The following RNF130 variants were observed in gnomAD, a reference collection of about 807,000 sequenced individuals.
RNF130 encodes the protein E3 ubiquitin-protein ligase RNF130.
In RNF130, 21 loss-of-function variants were observed where a neutral mutation model predicts 44.6. The ratio of observed to expected loss-of-function variants is 0.47; its 90% CI spans 0.33 to 0.68. The LOEUF (loss-of-function observed/expected upper bound fraction) is 0.68, where lower values mean the gene tolerates loss of function less well. RNF130 is among the 30% of genes least tolerant of loss of function. The pLI, the probability that RNF130 is intolerant of heterozygous loss-of-function variation, is 0.02. For missense variants in RNF130, 479 were observed against 560.6 expected, an observed-to-expected ratio of 0.85 and a Z score of 1.47; for synonymous variants, 214 against 210.4, an observed-to-expected ratio of 1.02 and a Z score of -0.15.
chr5:180,033,131 A>C (rs971455663), intron 2 of RNF130, among the ~76,000 whole-genome samples: 6 of 151,914 alleles, frequency 3.9e-5, no homozygotes, highest in Non-Finnish European at 8.8e-5. Context: ...ATACTGCTAC[A>C]CCCGGCTACT....
At chr5:179,968,785 G>C (rs1057391507) in intron 6 of RNF130, among the ~76,000 whole-genome samples, 2 of 152,098 alleles carry the variant, frequency 1.3e-5, no homozygotes, top group African/African-American at 4.8e-5. Flanking sequence ...GGGACATCTG[G>C]CAACGTCTGG....
chr5:179,979,012 C>A (rs1220033346), intron 4 of RNF130, among the ~76,000 whole-genome samples: 1 of 152,140 alleles, frequency 6.6e-6, no homozygotes. Flanking sequence ...CAGTGGACAA[C>A]TCTTGCCAGG....
intron 3 of RNF130, among the ~76,000 whole-genome samples, chr5:180,007,988 GT>G (rs371751598): frequency 0.014 from 1,880 of 129,844 alleles, 40 homozygotes; most frequent in African/African-American, 0.049. Context: ...AAATCTTTTA[GT>G]TTTTTTTTTT....
intron 3 of RNF130, among the ~76,000 whole-genome samples, chr5:179,994,819 T>C (rs1035490845): frequency 3.9e-4 from 59 of 152,202 alleles, no homozygotes; most frequent in African/African-American, 1.4e-3. Context: ...CAGCAGGTGG[T>C]AGTTGCAGGT....
chr5:179,997,410 G>A (rs1212010032), intron 3 of RNF130, among the ~76,000 whole-genome samples: 14 of 152,102 alleles, frequency 9.2e-5, no homozygotes, highest in African/African-American at 2.2e-4. Flanking sequence ...TGCAACCTCC[G>A]CCTCCCAGGT....
intron 7 of RNF130, among the ~76,000 whole-genome samples, chr5:179,948,084 G>T (rs1762070924): frequency 6.6e-6 from 1 of 152,184 alleles, no homozygotes; most frequent in South Asian, 2.1e-4. Context: ...TGGGCTGCCT[G>T]GGTCTCATTC....
chr5:180,000,644 A>C (rs978920869), intron 3 of RNF130, among the ~76,000 whole-genome samples: 7 of 151,874 alleles, frequency 4.6e-5, no homozygotes, highest in Non-Finnish European at 8.8e-5. Flanking sequence ...TCAAGTTGAG[A>C]GATTCTTTCT....
chr5:180,036,175 G>A (rs1388041703), intron 2 of RNF130, among the ~76,000 whole-genome samples: 2 of 152,144 alleles, frequency 1.3e-5, no homozygotes, highest in South Asian at 2.1e-4. Context: ...AGTTGGTGGT[G>A]TTGCCTTGTC....
chr5:179,922,957 CCAGA>C (rs1761655671), intron 7 of RNF130, among the ~76,000 whole-genome samples: 1 of 152,056 alleles, frequency 6.6e-6, no homozygotes, highest in Non-Finnish European at 1.5e-5. Flanking sequence ...ACAAGTCTTG[CCAGA>C]CATACATTTT....
chr5:179,920,561 G>T, intron 7 of RNF130: 1 of 584,208 alleles, frequency 1.7e-6, no homozygotes, highest in East Asian at 2.8e-5. Flanking sequence ...GCTCTTATTA[G>T]AGAGATACAA....
intron 2 of RNF130, among the ~76,000 whole-genome samples, chr5:180,021,695 T>C (rs576929506): frequency 6.6e-6 from 1 of 152,126 alleles, no homozygotes; most frequent in Non-Finnish European, 1.5e-5. Context: ...TTTTAAAACC[T>C]AGAACCATTC....
At chr5:180,009,419 T>C (rs1377113407) in intron 3 of RNF130, among the ~76,000 whole-genome samples, 3 of 152,118 alleles carry the variant, frequency 2.0e-5, no homozygotes, top group African/African-American at 7.2e-5. Flanking sequence ...ACAATCTAGG[T>C]AGAAAATGGG....
At chr5:179,940,413 G>T (rs1480119328) in intron 7 of RNF130, among the ~76,000 whole-genome samples, 1 of 151,786 alleles carries the variant, frequency 6.6e-6, no homozygotes, top group Non-Finnish European at 1.5e-5. Context: ...TAGAGATGGG[G>T]TTTCACCATG....
At chr5:179,947,365 T>C (rs1425314715) in intron 7 of RNF130, among the ~76,000 whole-genome samples, 2 of 152,166 alleles carry the variant, frequency 1.3e-5, no homozygotes, top group Non-Finnish European at 2.9e-5. Flanking sequence ...CCACCCCACC[T>C]GTGTCCTAAA....
At chr5:179,979,405 C>G (rs1466235184) in intron 4 of RNF130, among the ~76,000 whole-genome samples, 3 of 151,486 alleles carry the variant, frequency 2.0e-5, no homozygotes, top group African/African-American at 7.3e-5. Flanking sequence ...CTTAGGAAGA[C>G]AGAGAATCAT....
intron 7 of RNF130, among the ~76,000 whole-genome samples, chr5:179,935,757 A>T (rs1761883200): frequency 6.7e-6 from 1 of 148,610 alleles, no homozygotes. Context: ...TTTAGTGGCT[A>T]TGCTGGCCTA....
intron 7 of RNF130, among the ~76,000 whole-genome samples, chr5:179,966,602 CT>C (rs937991659): frequency 1.3e-5 from 2 of 152,200 alleles, no homozygotes; most frequent in African/African-American, 4.8e-5. Context: ...GCAGCTATTC[CT>C]ATTAATTATA....
intron 1 of RNF130, among the ~76,000 whole-genome samples, chr5:180,067,138 G>C (rs944582346): frequency 3.3e-5 from 5 of 152,218 alleles, no homozygotes; most frequent in Non-Finnish European, 5.9e-5. Context: ...CGCAAGATTA[G>C]ACAGGGCAAG....
intron 2 of RNF130, 64 bp downstream of exon 2, chr5:180,040,389 C>T: frequency 1.4e-6 from 2 of 1,458,026 alleles, no homozygotes; most frequent in Non-Finnish European, 1.9e-6. Context: ...AGGCAGAATG[C>T]TTACCTATAA....
Sources: gnomAD v4.1 joint callset for allele counts (sites outside exome capture counted in the v4.1 genomes callset) on GRCh38, gnomAD v4.1.1 for gene constraint, MANE v1.5 for transcripts, NCBI Gene and HGNC (gene_info 2026-07-23, HGNC 2026-07-21) for gene names.